The following GPHN variants were observed in gnomAD, a reference collection of about 807,000 sequenced individuals.
GPHN encodes the protein gephyrin.
In GPHN, 17 loss-of-function variants were observed where a neutral mutation model predicts 95.5. The observed-to-expected ratio is 0.18, with a 90% CI of 0.12 to 0.27. The LOEUF is 0.27. Among genes scored for constraint, GPHN ranks in the 10% least tolerant of loss-of-function variants. GPHN has a pLI of 1.00. For missense variants in GPHN, 660 were observed against 978.1 expected, an observed-to-expected ratio of 0.67 and a Z score of 4.34; for synonymous variants, 320 against 322.5, an observed-to-expected ratio of 0.99 and a Z score of 0.08.
the GPHN span, among the ~76,000 whole-genome samples, chr14:67,529,219 C>T: frequency 6.6e-6 from 1 of 152,134 alleles, no homozygotes; most frequent in African/African-American, 2.4e-5. Context: ...CCCTCCCCTC[C>T]CCATCCGCTG....
At chr14:67,364,932 T>C in the GPHN span, 1 of 1,613,952 alleles carries the variant, frequency 6.2e-7, no homozygotes, top group African/African-American at 1.3e-5. Flanking sequence ...CCAGAAGGCG[T>C]ATCCGTTCTA....
At chr14:67,569,601 C>T in the GPHN span, 25 of 452,500 alleles carry the variant, frequency 5.5e-5, no homozygotes, top group Non-Finnish European at 6.5e-5. Flanking sequence ...ATCTCCACAA[C>T]GAGGGCTGTG....
intron 1 of GPHN, among the ~76,000 whole-genome samples, chr14:66,591,785 C>T (rs2061659759): frequency 6.6e-6 from 1 of 152,144 alleles, no homozygotes; most frequent in Non-Finnish European, 1.5e-5. Flanking sequence ...TAACTTTCTT[C>T]ACAGAATTAG....
At chr14:67,568,764 G>A in the GPHN span, among the ~76,000 whole-genome samples, 1 of 152,112 alleles carries the variant, frequency 6.6e-6, no homozygotes, top group East Asian at 1.9e-4. Flanking sequence ...GAGACCCAAG[G>A]GTCTCTAAAA....
intron 9 of GPHN, among the ~76,000 whole-genome samples, chr14:66,984,007 G>A (rs184554817): frequency 1.3e-5 from 2 of 152,110 alleles, no homozygotes; most frequent in South Asian, 4.1e-4. Context: ...CCTTGAAAAA[G>A]ATACCTAATG....
rs533131969 is a variant in GPHN, at chr14:67,039,960, A to G, written c.1006+16285A>G. On this transcript the variant is annotated intron_variant, in intron 10 of 22. Coordinates refer to ENST00000478722, the MANE Select transcript of GPHN (RefSeq NM_020806.5). ...CATAACATCTTTGGACCTTGATGTT[A>G]AGGCCTTTTTTTCTTCCTCAAAGAG... Among the ~76,000 whole-genome samples the G allele has an allele frequency of 2.4e-3, 362 of 152,300 alleles. 4 individuals carry two copies. Among genetic ancestry groups the G allele is most frequent in the African/African-American group, 8.2e-3 (341 of 41,576 alleles).
chr14:66,526,465 C>G (rs2058696956), intron 1 of GPHN, among the ~76,000 whole-genome samples: 3 of 152,178 alleles, frequency 2.0e-5, no homozygotes, highest in African/African-American at 7.2e-5. Flanking sequence ...TTTGAATACA[C>G]TTTATTGCTT....
At chr14:67,651,614 A>AAGT in the GPHN span, 1 of 926,608 alleles carries the variant, frequency 1.1e-6, no homozygotes, top group Non-Finnish European at 1.6e-6. Context: ...ACTTAGCAGG[A>AAGT]AGTACTCATA....
At chr14:66,646,577 TAAAAC>T (rs1566755709) in intron 1 of GPHN, among the ~76,000 whole-genome samples, 2 of 152,000 alleles carry the variant, frequency 1.3e-5, no homozygotes, top group South Asian at 2.1e-4. Flanking sequence ...ATAAAATAGA[TAAAAC>T]AATATATATC....
At chr14:67,628,185 G>A in the GPHN span, among the ~76,000 whole-genome samples, 1 of 152,126 alleles carries the variant, frequency 6.6e-6, no homozygotes, top group Non-Finnish European at 1.5e-5. Context: ...TTGGGTTCAA[G>A]CTTTTCATTT....
At chr14:66,842,257 G>C (rs1205191807) in intron 4 of GPHN, among the ~76,000 whole-genome samples, 2 of 152,058 alleles carry the variant, frequency 1.3e-5, no homozygotes, top group Non-Finnish European at 2.9e-5. Context: ...TACTGCCCCT[G>C]ATTCTTTCTC....
At chr14:66,946,803 A>G (rs77902037) in intron 8 of GPHN, among the ~76,000 whole-genome samples, 2,301 of 152,308 alleles carry the variant, frequency 0.015, 32 homozygotes, top group Non-Finnish European at 0.018. Flanking sequence ...TGCCATTTTA[A>G]GAAATCCTGT....
At chr14:67,671,302 G>A in the GPHN span, among the ~76,000 whole-genome samples, 19,054 of 152,134 alleles carry the variant, frequency 0.13, 1,459 homozygotes, top group South Asian at 0.33. Context: ...GTGGCGGGCA[G>A]ATCACTTGAG....
intron 5 of GPHN, among the ~76,000 whole-genome samples, chr14:66,915,447 A>G (rs369983531): frequency 1.5e-4 from 23 of 152,130 alleles, no homozygotes; most frequent in African/African-American, 5.3e-4. Context: ...GAAATTGACA[A>G]TTATCTCTGA....
chr14:67,136,321 C>G (rs1320462314), intron 17 of GPHN, among the ~76,000 whole-genome samples: 1 of 152,148 alleles, frequency 6.6e-6, no homozygotes, highest in East Asian at 1.9e-4. Context: ...CCTGAATTAG[C>G]AAAGCACAAA....
the GPHN span, chr14:67,445,969 G>T: frequency 2.1e-6 from 1 of 474,396 alleles, no homozygotes; most frequent in South Asian, 1.5e-5. Context: ...TTGGAGTCTA[G>T]CCTGTAAGAA....
chr14:67,213,173 TA>T, the GPHN span, among the ~76,000 whole-genome samples: 2 of 151,332 alleles, frequency 1.3e-5, no homozygotes, highest in Non-Finnish European at 2.9e-5. Context: ...TTTATTTTAT[TA>T]TTATTATACT....
chr14:67,662,546 T>C, the GPHN span: 15 of 1,601,986 alleles, frequency 9.4e-6, no homozygotes, highest in Middle Eastern at 3.3e-4. Flanking sequence ...CTAGAAAAGA[T>C]AGATAAGTTT....
At chr14:67,070,927 A>G (rs999776734) in intron 11 of GPHN, among the ~76,000 whole-genome samples, 5 of 151,926 alleles carry the variant, frequency 3.3e-5, no homozygotes, top group Non-Finnish European at 7.4e-5. Context: ...TCAAAACTAC[A>G]ATGAGACACC....
Sources: allele counts gnomAD v4.1 joint callset (sites outside exome capture counted in the v4.1 genomes callset), GRCh38; gene constraint gnomAD v4.1.1; transcripts MANE v1.5; gene names NCBI Gene and HGNC (gene_info 2026-07-23, HGNC 2026-07-21).